The following MTCL3 variants were observed in gnomAD, a reference collection of about 807,000 sequenced individuals.
The protein encoded by MTCL3 is MTCL family member 3.
chr6:127,496,474 G>C, the MTCL3 span, among the ~76,000 whole-genome samples: 2 of 152,162 alleles, frequency 1.3e-5, no homozygotes, highest in African/African-American at 4.8e-5. Flanking sequence ...GTGTGAAACA[G>C]AAGGATTTGA....
chr6:127,514,955 C>T, the MTCL3 span: 15 of 1,614,036 alleles, frequency 9.3e-6, no homozygotes, highest in Admixed American at 1.2e-4. Flanking sequence ...CTCTCTCCAA[C>T]TCGTGGCGCA....
the MTCL3 span, chr6:127,475,460 T>G: frequency 6.2e-7 from 1 of 1,613,466 alleles, no homozygotes; most frequent in Non-Finnish European, 8.5e-7. The surrounding 1 kb of genome is among the most constrained non-coding windows in gnomAD (Gnocchi z 7.3). Context: ...TCCTCGTCCA[T>G]GAGTCCGAAC....
the MTCL3 span, chr6:127,516,619 AT>A: frequency 6.3e-7 from 1 of 1,595,404 alleles, no homozygotes; most frequent in Non-Finnish European, 8.5e-7. Context: ...ACTCATGGCT[AT>A]GAACCTACCA....
the MTCL3 span, among the ~76,000 whole-genome samples, chr6:127,506,202 A>G: frequency 6.6e-6 from 1 of 152,180 alleles, no homozygotes; most frequent in Non-Finnish European, 1.5e-5. Context: ...TTTCTGTAAA[A>G]TTTTAACTCA....
the MTCL3 span, among the ~76,000 whole-genome samples, chr6:127,492,012 A>G: frequency 6.6e-6 from 1 of 151,898 alleles, no homozygotes; most frequent in Non-Finnish European, 1.5e-5. Context: ...TACCCTTGAG[A>G]GATTGTACAA....
chr6:127,497,006 G>A, the MTCL3 span, among the ~76,000 whole-genome samples: 2 of 152,130 alleles, frequency 1.3e-5, no homozygotes, highest in Admixed American at 6.5e-5. Flanking sequence ...ATTGCCTGGA[G>A]GTAGTCAAAG....
chr6:127,506,769 C>CG, the MTCL3 span, among the ~76,000 whole-genome samples: 5 of 151,950 alleles, frequency 3.3e-5, no homozygotes, highest in Admixed American at 2.6e-4. Flanking sequence ...TTTAGTAGAA[C>CG]GGGGTTTCAC....
the MTCL3 span, among the ~76,000 whole-genome samples, chr6:127,477,302 A>G: frequency 6.6e-6 from 1 of 152,326 alleles, no homozygotes; most frequent in African/African-American, 2.4e-5. Context: ...CATTCTTACG[A>G]CAACCTCAGA....
the MTCL3 span, chr6:127,475,585 T>G: frequency 3.7e-6 from 6 of 1,606,166 alleles, no homozygotes; most frequent in Non-Finnish European, 5.1e-6. This position sits in a 1 kb window ranked among gnomAD's most constrained non-coding sequence, Gnocchi z 7.3. Flanking sequence ...GTCCTTCATC[T>G]GCTGCCGATC....
At chr6:127,504,965 A>G in the MTCL3 span, among the ~76,000 whole-genome samples, 1 of 152,172 alleles carries the variant, frequency 6.6e-6, no homozygotes, top group Non-Finnish European at 1.5e-5. Flanking sequence ...TAAAAACCCC[A>G]CCTCAAGATT....
At chr6:127,505,892 A>T in the MTCL3 span, among the ~76,000 whole-genome samples, 1 of 152,198 alleles carries the variant, frequency 6.6e-6, no homozygotes, top group Non-Finnish European at 1.5e-5. Flanking sequence ...TGAAAAAATA[A>T]TTATAGTATT....
the MTCL3 span, among the ~76,000 whole-genome samples, chr6:127,495,769 C>T: frequency 6.6e-6 from 1 of 152,096 alleles, no homozygotes; most frequent in Non-Finnish European, 1.5e-5. Flanking sequence ...AATGTGATAG[C>T]CCACAATTAC....
At chr6:127,490,211 A>G in the MTCL3 span, among the ~76,000 whole-genome samples, 721 of 152,284 alleles carry the variant, frequency 4.7e-3, 5 homozygotes, top group South Asian at 0.023. Context: ...CAAATATTTT[A>G]AGCCCACTTT....
At chr6:127,492,222 A>G in the MTCL3 span, among the ~76,000 whole-genome samples, 1 of 152,210 alleles carries the variant, frequency 6.6e-6, no homozygotes, top group Admixed American at 6.5e-5. Context: ...CCACAGAATT[A>G]TGAGCCACAT....
the MTCL3 span, among the ~76,000 whole-genome samples, chr6:127,511,829 T>A: frequency 6.6e-6 from 1 of 152,232 alleles, no homozygotes; most frequent in African/African-American, 2.4e-5. Context: ...TAAGACATAT[T>A]CTTAATCAGA....
chr6:127,491,878 CAAAAA>C, the MTCL3 span, among the ~76,000 whole-genome samples: 1 of 60,778 alleles, frequency 1.6e-5, no homozygotes. Flanking sequence ...GACCCTGTCT[CAAAAA>C]AAAAAAAAAA....
chr6:127,516,435 TG>T, the MTCL3 span: 1 of 1,600,054 alleles, frequency 6.2e-7, no homozygotes, highest in Non-Finnish European at 8.5e-7. Flanking sequence ...CGGCCCCCAC[TG>T]GGGACCGGGT....
chr6:127,512,837 C>A, the MTCL3 span: 1 of 1,504,662 alleles, frequency 6.6e-7, no homozygotes, highest in Non-Finnish European at 8.9e-7. Context: ...CCTTGGGATT[C>A]TTTTTTAAAG....
At chr6:127,515,541 C>T in the MTCL3 span, 11 of 1,462,194 alleles carry the variant, frequency 7.5e-6, 1 homozygote, top group South Asian at 1.2e-4. The surrounding 1 kb of genome is among the most constrained non-coding windows in gnomAD (Gnocchi z 4.3). Context: ...CCTCTCGCAG[C>T]TTCTCCATCT....
Sources: allele counts gnomAD v4.1 joint callset (sites outside exome capture counted in the v4.1 genomes callset), GRCh38; gene constraint gnomAD v4.1.1; non-coding constraint Gnocchi (gnomAD v3.1); transcripts MANE v1.5; gene names NCBI Gene and HGNC (gene_info 2026-07-23, HGNC 2026-07-21).